The following FRMD3 variants were observed in gnomAD, a reference collection of about 807,000 sequenced individuals.
FRMD3 encodes the protein FERM domain containing 3.
FRMD3 carries 33 observed loss-of-function variants against 70.2 expected under a neutral mutation model. The observed-to-expected ratio is 0.47, with a 90% CI of 0.36 to 0.63. The LOEUF is 0.63. Ranked by LOEUF, FRMD3 falls within the 20% of genes least tolerant of loss-of-function variation. FRMD3 has a pLI of 0.00. For synonymous variants in FRMD3, 279 were observed against 255.9 expected (o/e 1.09, Z -0.86); for missense variants, 632 against 711.4 (o/e 0.89, Z 1.27).
At chr9:83,508,277 T>G (rs1829250398) in intron 1 of FRMD3, among the ~76,000 whole-genome samples, 1 of 152,146 alleles carries the variant, frequency 6.6e-6, no homozygotes, top group Non-Finnish European at 1.5e-5. Flanking sequence ...GTGGTGCCTG[T>G]GAGGAGGCAT....
intron 12 of FRMD3, chr9:83,297,484 C>A: frequency 3.9e-6 from 1 of 254,162 alleles, no homozygotes; most frequent in Non-Finnish European, 8.0e-6. Flanking sequence ...GTCTACAAAA[C>A]AGAAGCATCA....
At chr9:83,351,323 T>TACACACACACACACACACACACAC (rs56407249) in intron 3 of FRMD3, among the ~76,000 whole-genome samples, 145 of 143,864 alleles carry the variant, frequency 1.0e-3, no homozygotes, top group African/African-American at 1.4e-3. Context: ...AAACTGATCA[T>TACACACACACACACACACACACAC]ACACACACAC....
At chr9:83,392,363 T>G (rs1159553453) in intron 1 of FRMD3, among the ~76,000 whole-genome samples, 1 of 152,154 alleles carries the variant, frequency 6.6e-6, no homozygotes, top group African/African-American at 2.4e-5. Flanking sequence ...TTGTCATTTT[T>G]GTCCCTTAAG....
chr9:83,338,537 G>C (rs1823652927), intron 5 of FRMD3, among the ~76,000 whole-genome samples: 1 of 152,222 alleles, frequency 6.6e-6, no homozygotes, highest in African/African-American at 2.4e-5. Flanking sequence ...GGGACACTCT[G>C]TCACAGTTAA....
chr9:83,579,722 G>C, the FRMD3 span, among the ~76,000 whole-genome samples: 3 of 151,992 alleles, frequency 2.0e-5, no homozygotes, highest in African/African-American at 7.2e-5. Context: ...CATTAGCCTG[G>C]GCGCAATGGT....
intron 3 of FRMD3, among the ~76,000 whole-genome samples, chr9:83,370,140 T>C (rs1211010016): frequency 6.6e-6 from 1 of 152,168 alleles, no homozygotes; most frequent in Non-Finnish European, 1.5e-5. Flanking sequence ...TCTGCAGCCA[T>C]TGCCTACTGA....
At chr9:83,352,315 A>G (rs1824187945) in intron 3 of FRMD3, among the ~76,000 whole-genome samples, 1 of 152,200 alleles carries the variant, frequency 6.6e-6, no homozygotes, top group Non-Finnish European at 1.5e-5. Flanking sequence ...AATTTATAAA[A>G]AGGAAGATCA....
chr9:83,321,768 G>T (rs915852381), intron 6 of FRMD3, among the ~76,000 whole-genome samples: 1 of 152,172 alleles, frequency 6.6e-6, no homozygotes, highest in African/African-American at 2.4e-5. Flanking sequence ...AGTACTGTGA[G>T]TGGGGTGTTG....
chr9:83,309,179 G>A (rs578224498), intron 10 of FRMD3, among the ~76,000 whole-genome samples: 1 of 151,742 alleles, frequency 6.6e-6, no homozygotes, highest in African/African-American at 2.4e-5. Flanking sequence ...CTATCTCAAG[G>A]TCTGCTTTGT....
At chr9:83,353,843 A>G (rs987531300) in intron 3 of FRMD3, among the ~76,000 whole-genome samples, 1 of 152,346 alleles carries the variant, frequency 6.6e-6, no homozygotes, top group African/African-American at 2.4e-5. Context: ...GCAATGATCT[A>G]TTGTTATAGG....
At chr9:83,364,403 A>G (rs570905815) in intron 3 of FRMD3, among the ~76,000 whole-genome samples, 4 of 152,162 alleles carry the variant, frequency 2.6e-5, no homozygotes, top group Non-Finnish European at 5.9e-5. Context: ...CTAAAAATAC[A>G]AAAATTAGCT....
At chr9:83,306,992 C>G (rs1835159096) in intron 10 of FRMD3, among the ~76,000 whole-genome samples, 1 of 152,064 alleles carries the variant, frequency 6.6e-6, no homozygotes, top group Admixed American at 6.6e-5. Flanking sequence ...AACCTAAATA[C>G]AAATCATGAA....
the FRMD3 span, among the ~76,000 whole-genome samples, chr9:83,578,414 G>C: frequency 1.0e-3 from 156 of 152,026 alleles, 1 homozygote; most frequent in Non-Finnish European, 1.7e-3. Flanking sequence ...GATGAACATA[G>C]ATGGAAAAAT....
At chr9:83,316,148 C>CTTTTTTTTTTTTTTT (rs369641019) in intron 6 of FRMD3, among the ~76,000 whole-genome samples, 2 of 134,498 alleles carry the variant, frequency 1.5e-5, no homozygotes, top group Non-Finnish European at 3.1e-5. Flanking sequence ...TCTTTTTTCT[C>CTTTTTTTTTTTTTTT]TTTTTTTTTT....
intron 13 of FRMD3, chr9:83,279,144 C>CT (rs1355040176): frequency 6.6e-6 from 1 of 152,222 alleles, no homozygotes; most frequent in African/African-American, 2.4e-5. Context: ...GTTTATTTCT[C>CT]TTTCACCCAA....
chr9:83,510,425 C>A (rs758081684), intron 1 of FRMD3, among the ~76,000 whole-genome samples: 1 of 152,104 alleles, frequency 6.6e-6, no homozygotes, highest in Non-Finnish European at 1.5e-5. Context: ...GCATGGCTGG[C>A]GGGTAAGGTA....
intron 2 of FRMD3, among the ~76,000 whole-genome samples, chr9:83,377,508 T>C (rs1825186908): frequency 6.6e-6 from 1 of 152,134 alleles, no homozygotes; most frequent in South Asian, 2.1e-4. Context: ...TGGGGAGTGA[T>C]TGGATCACAG....
the FRMD3 span, among the ~76,000 whole-genome samples, chr9:83,545,955 G>A: frequency 6.6e-6 from 1 of 150,908 alleles, no homozygotes; most frequent in African/African-American, 2.4e-5. Context: ...AGCAGCAAGA[G>A]AAAACTGTCT....
intron 5 of FRMD3, among the ~76,000 whole-genome samples, chr9:83,338,480 T>C (rs1243737544): frequency 6.6e-6 from 1 of 152,180 alleles, no homozygotes. Flanking sequence ...GGGTGTTTAT[T>C]GTTAGTGGGA....
Sources: gnomAD v4.1 joint callset for allele counts (sites outside exome capture counted in the v4.1 genomes callset) on GRCh38, gnomAD v4.1.1 for gene constraint, MANE v1.5 for transcripts, NCBI Gene and HGNC (gene_info 2026-07-23, HGNC 2026-07-21) for gene names.